The following CRISP2 variants were observed in gnomAD, a reference collection of about 807,000 sequenced individuals.
The protein encoded by CRISP2 is cysteine-rich secretory protein 2.
Under a neutral mutation model 31.7 loss-of-function variants are expected in CRISP2, and 29 were observed. The ratio of observed to expected loss-of-function variants is 0.92; its 90% CI spans 0.68 to 1.25. The LOEUF is 1.25. Among genes scored for constraint, CRISP2 ranks in the 50% most tolerant of loss-of-function variants. The pLI, the probability that CRISP2 is intolerant of heterozygous loss-of-function variation, is 0.00. For missense variants in CRISP2, 318 were observed against 286.5 expected, an observed-to-expected ratio of 1.11 and a Z score of -0.79; for synonymous variants, 111 against 101.4, an observed-to-expected ratio of 1.09 and a Z score of -0.57.
At chr6:49,705,073 A>G (rs1467533050) in intron 4 of CRISP2, among the ~76,000 whole-genome samples, 1 of 152,110 alleles carries the variant, frequency 6.6e-6, no homozygotes, top group East Asian at 1.9e-4. Context: ...TAGAGCTCCC[A>G]AGAGTTTATG....
chr6:49,689,772 A>G (rs1763991983), downstream of CRISP2, among the ~76,000 whole-genome samples: 1 of 152,122 alleles, frequency 6.6e-6, no homozygotes, highest in African/African-American at 2.4e-5. Flanking sequence ...ATTCTTAGAT[A>G]GTATGGGTTA....
At chr6:49,713,391 CTCACCTCAACGATGGT>C (rs1383840955) in intron 1 of CRISP2, 68 bp downstream of exon 1, 1 of 152,258 alleles carries the variant, frequency 6.6e-6, no homozygotes, top group East Asian at 1.9e-4. Flanking sequence ...CAGAAACCCC[CTCACCTCAACGATGGT>C]TCTCTCCCCT....
the CRISP2 span, among the ~76,000 whole-genome samples, chr6:49,682,587 T>G: frequency 1.2e-5 from 1 of 83,616 alleles, no homozygotes; most frequent in East Asian, 4.9e-4. Flanking sequence ...CTTTCTTTCT[T>G]TTTCTTTCTT....
downstream of CRISP2, among the ~76,000 whole-genome samples, chr6:49,688,334 A>G (rs1350512976): frequency 6.6e-6 from 1 of 152,220 alleles, no homozygotes; most frequent in African/African-American, 2.4e-5. Flanking sequence ...ATACTAGAAG[A>G]CTTTAAGATA....
chr6:49,682,715 C>G, the CRISP2 span, among the ~76,000 whole-genome samples: 1 of 137,956 alleles, frequency 7.2e-6, no homozygotes, highest in African/African-American at 2.7e-5. Context: ...TTTTCTCTTT[C>G]TTTTTCTCTT....
At chr6:49,686,688 C>A in the CRISP2 span, among the ~76,000 whole-genome samples, 2 of 152,158 alleles carry the variant, frequency 1.3e-5, no homozygotes, top group Non-Finnish European at 2.9e-5. Flanking sequence ...TTTGACCCAG[C>A]CATCCCATTA....
rs139350548 is a variant in CRISP2 at position 49,703,281 on chromosome 6, G to A, written c.67-2497C>T. 5.9e-3 allele frequency among the ~76,000 whole-genome samples: 888 copies of A among 150,652 alleles called. 10 individuals carry two copies. The highest frequency in any genetic ancestry group is 0.02 in the African/African-American group (836 of 40,990). On this transcript the variant is annotated intron_variant, in intron 4 of 9. Coordinates refer to ENST00000339139, the MANE Select transcript of CRISP2 (RefSeq NM_003296.4). ...CTTCCAGACTTGTTCTTTTTGTTTT[G>A]TTTTGCTTTGGCTATGCAGGCTTTT...
the CRISP2 span, among the ~76,000 whole-genome samples, chr6:49,683,370 T>C: frequency 1.3e-5 from 2 of 151,760 alleles, no homozygotes; most frequent in Middle Eastern, 3.4e-3. Context: ...TTTATAATTA[T>C]GGGTTTTTAA....
the CRISP2 span, among the ~76,000 whole-genome samples, chr6:49,681,037 C>T: frequency 6.6e-6 from 1 of 152,136 alleles, no homozygotes; most frequent in Non-Finnish European, 1.5e-5. Context: ...GTTGCAATTG[C>T]TTTTGGCATC....
chr6:49,695,527 CTT>C (rs1215797731), intron 9 of CRISP2, among the ~76,000 whole-genome samples: 6 of 152,176 alleles, frequency 3.9e-5, no homozygotes, highest in African/African-American at 1.4e-4. Flanking sequence ...GTGATATGAA[CTT>C]TGAGAATTGA....
intron 8 of CRISP2, 29 bp from the exon 9 acceptor site, chr6:49,695,953 T>C (rs761809019): frequency 3.4e-6 from 5 of 1,482,198 alleles, no homozygotes; most frequent in Non-Finnish European, 4.7e-6. Context: ...GTCAAATATT[T>C]TTCACTTTAC....
At chr6:49,703,074 T>C (rs1267808798) in intron 4 of CRISP2, among the ~76,000 whole-genome samples, 1 of 152,108 alleles carries the variant, frequency 6.6e-6, no homozygotes, top group African/African-American at 2.4e-5. Flanking sequence ...TTGAATAAGG[T>C]GTCCTTTTCC....
intron 4 of CRISP2, among the ~76,000 whole-genome samples, chr6:49,705,938 C>A (rs1766942591): frequency 6.6e-6 from 1 of 152,186 alleles, no homozygotes; most frequent in Middle Eastern, 3.4e-3. Flanking sequence ...TCTGTGAATT[C>A]TTTCAGTTTT....
chr6:49,701,800 A>C (rs1765918817), intron 4 of CRISP2, among the ~76,000 whole-genome samples: 1 of 104,988 alleles, frequency 9.5e-6, no homozygotes, highest in Non-Finnish European at 1.8e-5. Context: ...GTATGTACAC[A>C]TTATATATGT....
At chr6:49,694,581 G>GTC (rs1295586110) in intron 9 of CRISP2, among the ~76,000 whole-genome samples, 3 of 152,060 alleles carry the variant, frequency 2.0e-5, no homozygotes, top group African/African-American at 4.8e-5. Flanking sequence ...AGTGGACAGT[G>GTC]TCTCTCTCCC....
chr6:49,688,146 CAA>C (rs1477937682), downstream of CRISP2, among the ~76,000 whole-genome samples: 1 of 152,114 alleles, frequency 6.6e-6, no homozygotes, highest in Non-Finnish European at 1.5e-5. Flanking sequence ...CTAAGACAAG[CAA>C]AGTCTTACTG....
the CRISP2 span, among the ~76,000 whole-genome samples, chr6:49,680,581 G>C: frequency 3.3e-4 from 50 of 152,290 alleles, no homozygotes; most frequent in African/African-American, 1.2e-3. Context: ...TTGCCACACT[G>C]TCATCTACAA....
chr6:49,700,682 T>A lies in CRISP2; in HGVS notation c.169A>T (p.Asn57Tyr). ...CTGCCTCTTACCATCTTTAGCATGT[T>A]ACTGGCAGGTGGAGAGACTGCTTTC... ...LRKAVSPPAS[N>Y]MLKMEWSREV... The change falls in exon 5 of 10, where the codon AAC becomes TAC. Residue 57 changes from asparagine to tyrosine, a missense_variant. Coordinates refer to ENST00000339139, the MANE Select transcript of CRISP2 (RefSeq NM_003296.4). 1 of 1,605,494 alleles carries A rather than the reference T, an allele frequency of 6.2e-7. No individual in the cohort carries two copies. Among genetic ancestry groups the A allele is most frequent in the Non-Finnish European group, 8.5e-7 (1 of 1,172,628 alleles).
intron 2 of CRISP2, 109 bp downstream of exon 2, chr6:49,712,392 T>G (rs1768184655): frequency 6.6e-6 from 1 of 152,218 alleles, no homozygotes; most frequent in Admixed American, 6.5e-5. Context: ...GAGAGTATAT[T>G]CAAGGAAAAA....
Sources: allele counts gnomAD v4.1 joint callset (sites outside exome capture counted in the v4.1 genomes callset), GRCh38; gene constraint gnomAD v4.1.1; transcripts MANE v1.5; gene names NCBI Gene and HGNC (gene_info 2026-07-23, HGNC 2026-07-21).